Variants in ADGRL3 observed in about 807,000 individuals in gnomAD.
The protein encoded by ADGRL3 is calcium-independent alpha-latrotoxin receptor 3.
A neutral mutation model predicts 153.5 loss-of-function variants in ADGRL3; 62 were observed. That is an observed-to-expected ratio of 0.40 (90% CI 0.33 to 0.50). The LOEUF (loss-of-function observed/expected upper bound fraction) is 0.50. Among genes scored for constraint, ADGRL3 ranks in the 20% least tolerant of loss-of-function variants. The pLI, the probability that ADGRL3 is intolerant of heterozygous loss-of-function variation, is 0.47. For missense variants in ADGRL3, 1,641 were observed against 1,859.4 expected, an observed-to-expected ratio of 0.88 and a Z score of 2.16; for synonymous variants, 710 against 672.5, an observed-to-expected ratio of 1.06 and a Z score of -0.86.
chr4:61,656,550 G>A (rs2094448170), intron 5 of ADGRL3, among the ~76,000 whole-genome samples: 1 of 152,080 alleles, frequency 6.6e-6, no homozygotes, highest in African/African-American at 2.4e-5. Context: ...TGGTTCCTGG[G>A]TAAAATGAAA....
chr4:61,862,543 A>T (rs981026238), intron 9 of ADGRL3, among the ~76,000 whole-genome samples: 1 of 152,166 alleles, frequency 6.6e-6, no homozygotes, highest in Non-Finnish European at 1.5e-5. Flanking sequence ...CTCCTCTCAC[A>T]CATGTTCCTT....
At chr4:61,392,423 A>T (rs899835840) in intron 2 of ADGRL3, among the ~76,000 whole-genome samples, 2 of 150,846 alleles carry the variant, frequency 1.3e-5, no homozygotes, top group Non-Finnish European at 3.0e-5. Context: ...GCGGTGGCTC[A>T]CGCCTGTAAT....
intron 1 of ADGRL3, among the ~76,000 whole-genome samples, chr4:61,243,525 G>T (rs1170725089): frequency 6.6e-6 from 1 of 151,968 alleles, no homozygotes; most frequent in African/African-American, 2.4e-5. Context: ...ACAGGTTTCT[G>T]CATGAGAGAG....
chr4:61,238,439 T>TG (rs1480127757), intron 1 of ADGRL3, among the ~76,000 whole-genome samples: 5 of 125,814 alleles, frequency 4.0e-5, no homozygotes, highest in Non-Finnish European at 7.1e-5. Context: ...AATTCTAATG[T>TG]GTGGTGTGTG....
At chr4:61,894,906 A>G (rs2098617883) in intron 10 of ADGRL3, among the ~76,000 whole-genome samples, 1 of 152,126 alleles carries the variant, frequency 6.6e-6, no homozygotes, top group East Asian at 1.9e-4. Context: ...GGCACCCACA[A>G]ATGATAGACA....
rs1167806076 is a variant in ADGRL3 at position 62,074,259 on chromosome 4, A to G, written c.*3351A>G. 2 of 152,138 alleles carry G rather than the reference A, an allele frequency of 1.3e-5. No individual in the cohort carries two copies. Among genetic ancestry groups the G allele is most frequent in the Non-Finnish European group, 2.9e-5 (2 of 68,020 alleles). 9.4% of individuals were successfully genotyped at this position (152,138 alleles called of 1,614,324 possible). On this transcript the variant is annotated 3_prime_UTR_variant, in exon 27 of 27. Transcript: ENST00000683033. The stretch of plus-strand genomic sequence containing the variant: ...TATAATACAGCTTATTTAGCCAGCT[A>G]GAAGTAAAACTTATGCCACCGAAAC...
intron 6 of ADGRL3, among the ~76,000 whole-genome samples, chr4:61,724,112 ATC>A (rs1295678645): frequency 6.6e-6 from 1 of 152,214 alleles, no homozygotes; most frequent in Admixed American, 6.5e-5. Flanking sequence ...GTCTTATACA[ATC>A]TGAGGTAACT....
intron 1 of ADGRL3, among the ~76,000 whole-genome samples, chr4:61,253,143 C>A (rs1226744388): frequency 6.6e-6 from 1 of 152,120 alleles, no homozygotes; most frequent in Non-Finnish European, 1.5e-5. Context: ...TGGATGTTTG[C>A]CTAAAGATGA....
Position 61,793,718 on chromosome 4 carries a change from G to A in ADGRL3, c.1400-20091G>A, listed in dbSNP as rs140572027. On this transcript the variant is annotated intron_variant, in intron 8 of 26. Coordinates refer to ENST00000683033, the MANE Select transcript of ADGRL3 (RefSeq NM_001387552.1). Reference sequence around the variant, plus strand: ...TCAGCCTACCCTCCAGACAGCTACCGGATACTTCCAAAACTCAAAACGATA... The same window carrying A: ...TCAGCCTACCCTCCAGACAGCTACCAGATACTTCCAAAACTCAAAACGATA... 5.4e-4 allele frequency among the ~76,000 whole-genome samples: 82 copies of A among 152,068 alleles called. No homozygotes were observed. In the East Asian group the frequency reaches 0.014, roughly 25 times the overall value.
intron 9 of ADGRL3, among the ~76,000 whole-genome samples, chr4:61,832,573 C>T (rs921691422): frequency 9.9e-5 from 15 of 152,124 alleles, no homozygotes; most frequent in Non-Finnish European, 1.9e-4. Context: ...ACTGAGCATG[C>T]CAAAGCACCA....
intron 2 of ADGRL3, among the ~76,000 whole-genome samples, chr4:61,439,745 G>C (rs1237444462): frequency 6.6e-6 from 1 of 152,082 alleles, no homozygotes; most frequent in African/African-American, 2.4e-5. Context: ...GAGAATGGTG[G>C]TTTCCAGCTT....
chr4:61,808,429 A>G (rs1272424466), intron 8 of ADGRL3, among the ~76,000 whole-genome samples: 2 of 152,164 alleles, frequency 1.3e-5, no homozygotes, highest in African/African-American at 4.8e-5. Flanking sequence ...TAAGTCAAGC[A>G]TATAGTTGTT....
At chr4:61,531,814 A>C (rs190110428) in intron 4 of ADGRL3, among the ~76,000 whole-genome samples, 1 of 151,850 alleles carries the variant, frequency 6.6e-6, no homozygotes, top group African/African-American at 2.4e-5. Context: ...CTGTGCCCTT[A>C]GTAATTATTG....
At chr4:61,842,366 TAATA>T (rs1003615489) in intron 9 of ADGRL3, among the ~76,000 whole-genome samples, 9 of 152,202 alleles carry the variant, frequency 5.9e-5, no homozygotes, top group African/African-American at 2.2e-4. Context: ...ATCTTCTGAC[TAATA>T]AATTTTTTAG....
chr4:61,533,813 T>TA (rs926373896), intron 4 of ADGRL3, among the ~76,000 whole-genome samples: 1 of 152,172 alleles, frequency 6.6e-6, no homozygotes, highest in Non-Finnish European at 1.5e-5. Flanking sequence ...AATTTTAGCG[T>TA]AAAAAATATG....
intron 21 of ADGRL3, among the ~76,000 whole-genome samples, chr4:62,020,762 A>T (rs572659367): frequency 2.6e-5 from 4 of 152,242 alleles, no homozygotes; most frequent in African/African-American, 9.6e-5. Context: ...TAGTCAAATG[A>T]TTGCACTTAG....
intron 2 of ADGRL3, among the ~76,000 whole-genome samples, chr4:61,450,803 A>G (rs892897978): frequency 2.0e-5 from 3 of 152,138 alleles, no homozygotes; most frequent in Non-Finnish European, 4.4e-5. Flanking sequence ...AATAAGATAT[A>G]TTTGAGAACC....
At chr4:61,781,331 C>CAAAA (rs71281828) in intron 8 of ADGRL3, among the ~76,000 whole-genome samples, 2 of 64,426 alleles carry the variant, frequency 3.1e-5, no homozygotes, top group Admixed American at 1.7e-4. Context: ...ATTCTGCCTC[C>CAAAA]AAAAAAAAAA....
At chr4:62,006,743 G>A (rs1343922298) in intron 21 of ADGRL3, among the ~76,000 whole-genome samples, 1 of 151,910 alleles carries the variant, frequency 6.6e-6, no homozygotes, top group Non-Finnish European at 1.5e-5. Flanking sequence ...ATAAAAGTGA[G>A]ATGATTTGAA....
Sources: gnomAD v4.1 joint callset for allele counts (sites outside exome capture counted in the v4.1 genomes callset) on GRCh38, gnomAD v4.1.1 for gene constraint, MANE v1.5 for transcripts, NCBI Gene and HGNC (gene_info 2026-07-23, HGNC 2026-07-21) for gene names.